Variants in PPP5C observed in about 807,000 individuals in gnomAD.
The protein encoded by PPP5C is serine/threonine-protein phosphatase 5.
PPP5C carries 21 observed loss-of-function variants against 66.7 expected under a neutral mutation model. The ratio of observed to expected loss-of-function variants is 0.31; its 90% CI spans 0.22 to 0.45. The LOEUF is 0.45. Among genes scored for constraint, PPP5C ranks in the 20% least tolerant of loss-of-function variants. The pLI, the probability that PPP5C is intolerant of heterozygous loss-of-function variation, is 1.00. For synonymous variants in PPP5C, 246 were observed against 257.4 expected (o/e 0.96, Z 0.43); for missense variants, 464 against 675.9 (o/e 0.69, Z 3.48).
At chr19:46,386,917 A>G (rs1972898671) in intron 7 of PPP5C, 176 bp from the exon 8 acceptor site, 2 of 850,140 alleles carry the variant, frequency 2.4e-6, no homozygotes, top group African/African-American at 3.4e-5. Flanking sequence ...CCATGGACCT[A>G]CTTTTTGTCA....
At chr19:46,384,992 GTATT>G in intron 7 of PPP5C, 83 bp downstream of exon 7, 1 of 1,126,568 alleles carries the variant, frequency 8.9e-7, no homozygotes. Flanking sequence ...AGTTGCAGCT[GTATT>G]TATTTTGTGG....
At chr19:46,361,763 CAAA>C (rs202221574) in intron 2 of PPP5C, among the ~76,000 whole-genome samples, 4 of 104,254 alleles carry the variant, frequency 3.8e-5, no homozygotes, top group Non-Finnish European at 4.1e-5. Flanking sequence ...GACTCCGTCT[CAAA>C]AAAAAAAAAA....
intron 4 of PPP5C, among the ~76,000 whole-genome samples, chr19:46,377,248 A>C (rs1462977404): frequency 2.0e-5 from 3 of 152,304 alleles, no homozygotes; most frequent in East Asian, 3.9e-4. Flanking sequence ...GCCTGGGTTC[A>C]AATCTCTACC....
In PPP5C at chr19:46,388,642, T is replaced by C; in HGVS notation, c.1266T>C (p.Tyr422=). ...TCTTGGAAGAGAACAACCTGGACTATATCATCCGCAGCCACGAAGTCAAGG... is the reference window on the plus strand; with the variant it reads ...TCTTGGAAGAGAACAACCTGGACTACATCATCCGCAGCCACGAAGTCAAGG... ...KAFLEENNLD[Y]IIRSHEVKAE... Residue 422 remains tyrosine, a synonymous_variant, in exon 11 of 13, where the codon TAT becomes TAC. Transcript: ENST00000012443. The surrounding 1 kb of genome is among the most constrained non-coding windows in gnomAD (Gnocchi z 4.9). 6.2e-7 allele frequency: 1 copy of C among 1,614,170 alleles called. No homozygotes were observed. Among genetic ancestry groups the C allele is most frequent in the Non-Finnish European group, 8.5e-7 (1 of 1,180,030 alleles).
intron 1 of PPP5C, among the ~76,000 whole-genome samples, chr19:46,348,041 AG>A (rs1972115745): frequency 1.3e-5 from 2 of 152,014 alleles, no homozygotes; most frequent in Non-Finnish European, 2.9e-5. Flanking sequence ...GTAGAGAATA[AG>A]GGTTGGAGGC....
Position 46,388,757 on chromosome 19 carries a change from G to T in PPP5C, c.1355+26G>T. 6.2e-7 allele frequency: 1 copy of T among 1,600,076 alleles called. No homozygotes were observed. Among genetic ancestry groups the T allele is most frequent in the Middle Eastern group, 1.7e-4 (1 of 5,994 alleles). On this transcript the variant is annotated intron_variant, in intron 11 of 12. Transcript: ENST00000012443. The surrounding 1 kb of genome is among the most constrained non-coding windows in gnomAD (Gnocchi z 4.9). The stretch of plus-strand genomic sequence containing the variant: ...GTATGTCTTTGCCTTTCCAGCCCAG[G>T]GCCTCTACCAAGCCACGGGTTTTTG...
chr19:46,387,184 C>T lies in PPP5C; in HGVS notation c.996C>T (p.Ser332=), dbSNP rs1011263722. 94 of 1,614,094 alleles carry T rather than the reference C, an allele frequency of 5.8e-5. No homozygotes were observed. The highest frequency in any genetic ancestry group is 7.6e-5 in the Non-Finnish European group (90 of 1,180,050). ...KYTAQMYELF[S]EVFEWLPLAQ... ...CAGCCCAGATGTACGAGCTCTTTAG[C>T]GAGGTGTTCGAGTGGCTCCCGTTGG... The change falls in exon 8 of 13, where the codon AGC becomes AGT. Residue 332 remains serine, a synonymous_variant. Coordinates refer to ENST00000012443, the MANE Select transcript of PPP5C (RefSeq NM_006247.4).
At chr19:46,387,775 T>C in intron 9 of PPP5C, 1 of 1,249,426 alleles carries the variant, frequency 8.0e-7, no homozygotes, top group Non-Finnish European at 1.0e-6. Flanking sequence ...ACGGGCACAC[T>C]TCAGAGAGTT....
intron 2 of PPP5C, among the ~76,000 whole-genome samples, chr19:46,373,808 A>C (rs1187350871): frequency 1.3e-5 from 2 of 152,070 alleles, no homozygotes; most frequent in African/African-American, 2.4e-5. Context: ...GGGAGCCCAG[A>C]GGGGGTGCCT....
Position 46,376,368 on chromosome 19 carries a change from T to A in PPP5C, c.512-85T>A. On this transcript the variant is annotated intron_variant, in intron 3 of 12. Coordinates refer to ENST00000012443, the MANE Select transcript of PPP5C (RefSeq NM_006247.4). The surrounding 1 kb of genome is among the most constrained non-coding windows in gnomAD (Gnocchi z 5.1). ...TCGACCTGTGTGTCCACACCCAAGT[T>A]TTCCCCATCCCTGGGAGCGAGACCC... 1 of 1,543,736 alleles carries A rather than the reference T, an allele frequency of 6.5e-7. No individual in the cohort carries two copies. The highest frequency in any genetic ancestry group is 8.8e-7 in the Non-Finnish European group (1 of 1,133,840).
chr19:46,390,498 A>C lies in PPP5C; in HGVS notation c.*152A>C. 1 of 1,463,110 alleles carries C rather than the reference A, an allele frequency of 6.8e-7. No homozygotes were observed. The highest frequency in any genetic ancestry group is 1.3e-5 in the South Asian group (1 of 74,852). 90.6% of individuals were successfully genotyped at this position (1,463,110 alleles called of 1,614,324 possible). A position where few individuals can be genotyped will look rare whatever the true frequency, so the allele number is the denominator to read the frequency against. ...TATTTATTCCCCTTTAGGTTTGCAG[A>C]GGGGGTAGGGGCAGAGTCAGGGGCT... is the stretch of plus-strand genomic sequence containing the variant. On this transcript the variant is annotated 3_prime_UTR_variant, in exon 13 of 13. Coordinates refer to ENST00000012443, the MANE Select transcript of PPP5C (RefSeq NM_006247.4).
chr19:46,350,870 G>C (rs1464578790), intron 1 of PPP5C, among the ~76,000 whole-genome samples: 1 of 152,154 alleles, frequency 6.6e-6, no homozygotes, highest in Non-Finnish European at 1.5e-5. Context: ...TGGCCCTGTT[G>C]AGGAGAAGAG....
intron 1 of PPP5C, 108 bp downstream of exon 1, chr19:46,347,325 T>C (rs1972100145): frequency 1.4e-6 from 2 of 1,431,602 alleles, no homozygotes; most frequent in African/African-American, 1.4e-5. Flanking sequence ...GGGCAGACAC[T>C]ACCAAGTGAC....
Position 46,390,350 on chromosome 19 carries a change from G to T in PPP5C, c.*4G>T, listed in dbSNP as rs1972995447. Reference sequence around the variant, plus strand: ...GCTGCAGCTAGGAATGATGTGAGGTGACGGGCGGGGCGGCCTGCATCCCAG... The same window carrying T: ...GCTGCAGCTAGGAATGATGTGAGGTTACGGGCGGGGCGGCCTGCATCCCAG... On this transcript the variant is annotated 3_prime_UTR_variant, in exon 13 of 13. Transcript: ENST00000012443. 6.4e-6 allele frequency: 10 copies of T among 1,570,280 alleles called. No individual in the cohort carries two copies. Among genetic ancestry groups the T allele is most frequent in the Non-Finnish European group, 7.8e-6 (9 of 1,157,740 alleles).
intron 11 of PPP5C, among the ~76,000 whole-genome samples, chr19:46,389,450 CACACACACACAG>C: frequency 1.7e-5 from 2 of 115,814 alleles, no homozygotes; most frequent in African/African-American, 7.6e-5. Context: ...CACACACACA[CACACACACACAG>C]TGTTGATCCC....
At chr19:46,347,355 G>C (rs1972100845) in intron 1 of PPP5C, 138 bp downstream of exon 1, 24 of 1,341,356 alleles carry the variant, frequency 1.8e-5, no homozygotes, top group Non-Finnish European at 2.4e-5. Flanking sequence ...GGAGGCCCAG[G>C]ATGGCGCTGC....
chr19:46,353,785 G>A lies in PPP5C; in HGVS notation c.159G>A (p.Gln53=), dbSNP rs779236624. Residue 53 remains glutamine, a synonymous_variant, in exon 2 of 13, where the codon CAG becomes CAA. Transcript: ENST00000012443. ...AGAACGCCATCAAGTTCTACAGCCA[G>A]GCCATCGAGCTGAACCCCAGCAATG... ...DYENAIKFYS[Q]AIELNPSNAI... The A allele has an allele frequency of 5.6e-6, 9 of 1,614,152 alleles. No individual in the cohort carries two copies. The highest frequency in any genetic ancestry group is 7.6e-6 in the Non-Finnish European group (9 of 1,180,028).
chr19:46,369,926 G>A (rs73553105), intron 2 of PPP5C, among the ~76,000 whole-genome samples: 137,255 of 143,976 alleles, frequency 0.95, 65,337 homozygotes, highest in East Asian at 1. Context: ...ACTCCGTCTG[G>A]AAAAAAAAAA....
At chr19:46,385,566 G>A (rs1439164770) in intron 7 of PPP5C, among the ~76,000 whole-genome samples, 1 of 152,142 alleles carries the variant, frequency 6.6e-6, no homozygotes, top group Non-Finnish European at 1.5e-5. Flanking sequence ...GATCATCTGA[G>A]GTCAAGAGTT....
Sources: gnomAD v4.1 joint callset for allele counts (sites outside exome capture counted in the v4.1 genomes callset) on GRCh38, gnomAD v4.1.1 for gene constraint, Gnocchi (gnomAD v3.1) non-coding constraint, MANE v1.5 for transcripts, NCBI Gene and HGNC (gene_info 2026-07-23, HGNC 2026-07-21) for gene names.